Variants in IBTK observed in about 807,000 individuals in gnomAD.
IBTK encodes inhibitor of Bruton tyrosine kinase, also known as BTK-binding protein.
IBTK carries 83 observed loss-of-function variants against 154.9 expected under a neutral mutation model. That is an observed-to-expected ratio of 0.54 (90% CI 0.45 to 0.64). The LOEUF (loss-of-function observed/expected upper bound fraction) is 0.64. IBTK is among the 30% of genes least tolerant of loss of function. The pLI is 0.00. For synonymous variants in IBTK, 515 were observed against 536.1 expected (o/e 0.96, Z 0.54); for missense variants, 1,332 against 1,584.6 (o/e 0.84, Z 2.71).
chr6:82,234,130 C>T (rs762252198), intron 3 of IBTK, 29 bp downstream of exon 3: 5 of 1,166,326 alleles, frequency 4.3e-6, no homozygotes, highest in African/African-American at 3.1e-5. Context: ...TGAGCCGCAG[C>T]GCCCAGCCCA....
intron 1 of IBTK, among the ~76,000 whole-genome samples, chr6:82,246,973 C>T (rs1193243379): frequency 1.3e-5 from 2 of 152,178 alleles, no homozygotes; most frequent in Admixed American, 6.5e-5. Flanking sequence ...GCCTATGTTA[C>T]CTAATTCGCA....
intron 1 of IBTK, among the ~76,000 whole-genome samples, chr6:82,242,365 G>A (rs1770983615): frequency 7.0e-6 from 1 of 143,178 alleles, no homozygotes; most frequent in Admixed American, 7.0e-5. Context: ...GCAAAACTCT[G>A]TATCAAAAAA....
At chr6:82,179,873 A>G (rs1447917439) in intron 26 of IBTK, among the ~76,000 whole-genome samples, 2 of 152,218 alleles carry the variant, frequency 1.3e-5, no homozygotes, top group Non-Finnish European at 2.9e-5. Flanking sequence ...ATCTTACACA[A>G]GAAAGGAAAG....
chr6:82,205,125 A>G, intron 16 of IBTK, 167 bp from the exon 17 acceptor site: 1 of 422,810 alleles, frequency 2.4e-6, no homozygotes. Flanking sequence ...AAATGTTGAA[A>G]GGGCAACCAT....
In IBTK at chr6:82,214,411, G is replaced by C. The variant is rs771692508; in HGVS notation, c.2020C>G (p.His674Asp). ...LNSHLNKVNF[H>D]EDDNQKSAFE... ...GCAGACTTCTGGTTATCATCTTCAT[G>C]GAAATTCACTTTATTCAAATGAGAA... The change falls in exon 12 of 29, where the codon CAT becomes GAT. Residue 674 changes from histidine (H) to aspartate (D), a missense_variant. His to Asp is a moderately conservative substitution (Grantham distance 81). This residue lies in a region of IBTK where 1,134 missense variants were observed against 1,274.7 expected (regional missense o/e 0.89). Transcript: ENST00000306270. The C allele has an allele frequency of 6.2e-7, 1 of 1,613,618 alleles. No individual in the cohort carries two copies. The highest frequency in any genetic ancestry group is 1.3e-5 in the African/African-American group (1 of 74,846).
chr6:82,200,764 T>TG, intron 19 of IBTK, 56 bp from the exon 20 acceptor site: 3 of 1,452,804 alleles, frequency 2.1e-6, no homozygotes, highest in Non-Finnish European at 2.7e-6. Context: ...TTTTTTTTTT[T>TG]TTTTTTTTTT....
intron 26 of IBTK, among the ~76,000 whole-genome samples, chr6:82,174,530 C>A (rs1006487676): frequency 2.0e-5 from 3 of 152,056 alleles, no homozygotes; most frequent in Non-Finnish European, 4.4e-5. Flanking sequence ...TAAGTAAAGG[C>A]AGGCTGTTCT....
chr6:82,245,842 G>A (rs1289113508), intron 1 of IBTK, among the ~76,000 whole-genome samples: 9 of 152,098 alleles, frequency 5.9e-5, no homozygotes, highest in Admixed American at 5.9e-4. Context: ...GTAATTCCCA[G>A]GTTTCTGGCT....
chr6:82,208,971 G>C (rs1769522068), intron 16 of IBTK, among the ~76,000 whole-genome samples: 1 of 152,040 alleles, frequency 6.6e-6, no homozygotes, highest in African/African-American at 2.4e-5. Flanking sequence ...TGACCAAAAA[G>C]CATATGAAAA....
Position 82,200,127 on chromosome 6 carries a change from C to A in IBTK, c.3025+14G>T. 6.8e-7 allele frequency: 1 copy of A among 1,470,972 alleles called. No homozygotes were observed. Among genetic ancestry groups the A allele is most frequent in the South Asian group, 1.2e-5 (1 of 86,046 alleles). 91.1% of individuals were successfully genotyped at this position (1,470,972 alleles called of 1,614,324 possible). A position where few individuals can be genotyped will look rare whatever the true frequency, so the allele number is the denominator to read the frequency against. On this transcript the variant is annotated intron_variant, in intron 21 of 28. Transcript: ENST00000306270. Reference sequence around the variant, plus strand: ...AAGATTAGAACTGGAAATACATGCTCACTTTCCACGAACCTGTAGATGATG... The same window carrying A: ...AAGATTAGAACTGGAAATACATGCTAACTTTCCACGAACCTGTAGATGATG...
intron 12 of IBTK, 69 bp from the exon 13 acceptor site, chr6:82,212,862 A>C: frequency 1.1e-6 from 1 of 870,758 alleles, no homozygotes. Context: ...CAAAAAATCC[A>C]ACAAATTAGC....
intron 16 of IBTK, among the ~76,000 whole-genome samples, chr6:82,209,332 A>T (rs976610919): frequency 5.9e-5 from 9 of 152,220 alleles, no homozygotes; most frequent in Admixed American, 3.9e-4. Context: ...ACATCCATCA[A>T]CTGATGAATA....
intron 26 of IBTK, 53 bp downstream of exon 26, chr6:82,181,826 C>A: frequency 7.8e-7 from 1 of 1,284,588 alleles, no homozygotes; most frequent in South Asian, 1.5e-5. Flanking sequence ...CATAAAACCA[C>A]CACAGAATAT....
intron 1 of IBTK, among the ~76,000 whole-genome samples, chr6:82,241,589 G>A (rs765114562): frequency 2.0e-5 from 3 of 152,084 alleles, no homozygotes; most frequent in Non-Finnish European, 4.4e-5. Context: ...ACAAAAAAAC[G>A]AAACTACAAA....
intron 2 of IBTK, among the ~76,000 whole-genome samples, chr6:82,237,996 C>A (rs532691900): frequency 7.2e-5 from 11 of 152,096 alleles, no homozygotes; most frequent in Non-Finnish European, 1.5e-4. Context: ...GTAATCCCTG[C>A]ACTTTGGGAG....
intron 10 of IBTK, among the ~76,000 whole-genome samples, chr6:82,217,530 T>A (rs977308084): frequency 6.6e-6 from 1 of 152,158 alleles, no homozygotes; most frequent in Non-Finnish European, 1.5e-5. Flanking sequence ...TAAATATATA[T>A]TAAATGTTTA....
intron 12 of IBTK, among the ~76,000 whole-genome samples, chr6:82,213,257 G>A (rs1380647083): frequency 6.6e-6 from 1 of 152,046 alleles, no homozygotes; most frequent in Non-Finnish European, 1.5e-5. Flanking sequence ...TCAAACTCCT[G>A]ACCTCAGGAG....
In IBTK at chr6:82,240,152, CA is replaced by C. The variant is rs766312284; in HGVS notation, c.321+13del. The C allele has an allele frequency of 6.3e-7, 1 of 1,581,312 alleles. No homozygotes were observed. The highest frequency in any genetic ancestry group is 8.6e-7 in the Non-Finnish European group (1 of 1,158,438). On this transcript the variant is annotated intron_variant, in intron 2 of 28. Transcript: ENST00000306270. ...CCAGACTAAATACGTTTAAAATAAACAAATGACAATTACCTTCAATAGAGAC... is the reference window on the plus strand; with the variant it reads ...CCAGACTAAATACGTTTAAAATAAACAATGACAATTACCTTCAATAGAGAC...
chr6:82,244,607 T>C (rs1033627405), intron 1 of IBTK, among the ~76,000 whole-genome samples: 2 of 152,204 alleles, frequency 1.3e-5, no homozygotes, highest in African/African-American at 4.8e-5. Flanking sequence ...TGCTTTTAAC[T>C]CTACCGTACA....
Sources: gnomAD v4.1 joint callset for allele counts (sites outside exome capture counted in the v4.1 genomes callset) on GRCh38, gnomAD v4.1.1 for gene constraint, gnomAD v4.1.1 regional missense constraint, MANE v1.5 for transcripts, NCBI Gene and HGNC (gene_info 2026-07-23, HGNC 2026-07-21) for gene names.